Variants in IL12B observed in about 807,000 individuals in gnomAD.
IL12B encodes interleukin-12 subunit beta.
A neutral mutation model predicts 39.2 loss-of-function variants in IL12B; 27 were observed. The observed-to-expected ratio is 0.69, with a 90% CI of 0.51 to 0.95. The LOEUF (loss-of-function observed/expected upper bound fraction) is 0.95. Ranked by LOEUF, IL12B falls within the 40% of genes least tolerant of loss-of-function variation. The probability of loss-of-function intolerance (pLI) is 0.00; values close to 1 mark genes in which losing one functional copy is unlikely to be tolerated. For synonymous variants in IL12B, 142 were observed against 152.1 expected (o/e 0.93, Z 0.49); for missense variants, 351 against 397.6 (o/e 0.88, Z 1.00).
chr5:159,316,721 T>C lies in IL12B; in HGVS notation c.951A>G (p.Ser317=), dbSNP rs1331258990. 1 of 1,613,974 alleles carries C rather than the reference T, an allele frequency of 6.2e-7. No homozygotes were observed. Among genetic ancestry groups the C allele is most frequent in the Non-Finnish European group, 8.5e-7 (1 of 1,179,974 alleles). Residue 317 remains serine (S), a synonymous_variant, in exon 7 of 8, where the codon TCA becomes TCG. Transcript: ENST00000231228. ...SVRAQDRYYS[S]SWSEWASVPC... The stretch of plus-strand genomic sequence containing the variant: ...GCACAGATGCCCATTCGCTCCAAGA[T>C]GAGCTATAGTAGCGGTCCTGGGCCC...
intron 7 of IL12B, 39 bp from the exon 8 acceptor site, chr5:159,316,139 G>C (rs553637254): frequency 4.5e-5 from 7 of 155,174 alleles, no homozygotes; most frequent in Admixed American, 2.5e-4. Flanking sequence ...GGGTGACATT[G>C]TAACAGCAAT....
chr5:159,329,783 C>T (rs6873335), intron 1 of IL12B, among the ~76,000 whole-genome samples: 38,954 of 151,904 alleles, frequency 0.26, 5,447 homozygotes, highest in East Asian at 0.47. Context: ...TGTTGTTGCA[C>T]ACAATTTTAC....
At chr5:159,316,846 C>T (rs1482301557) in intron 6 of IL12B, 30 bp from the exon 7 acceptor site, 4 of 1,613,256 alleles carry the variant, frequency 2.5e-6, no homozygotes, top group Admixed American at 1.7e-5. Flanking sequence ...CTGTGAAGAC[C>T]CCTTGGCAAC....
chr5:159,318,649 T>G (rs148301697), intron 6 of IL12B, 87 bp downstream of exon 6: 7 of 1,196,250 alleles, frequency 5.9e-6, no homozygotes, highest in Non-Finnish European at 8.8e-6. Flanking sequence ...TGGATGTCAT[T>G]GTTATTATCA....
chr5:159,318,656 A>G, intron 6 of IL12B, 80 bp downstream of exon 6: 1 of 1,231,032 alleles, frequency 8.1e-7, no homozygotes, highest in Non-Finnish European at 1.2e-6. Flanking sequence ...CATTGTTATT[A>G]TCATCATTCA....
rs1195012902 is a variant in IL12B at position 159,315,213 on chromosome 5, G to A, written c.*888C>T. On this transcript the variant is annotated 3_prime_UTR_variant, in exon 8 of 8. Coordinates refer to ENST00000231228, the MANE Select transcript of IL12B (RefSeq NM_002187.3). ...TAATTTCAATCATTTTTTTTTTTGA[G>A]ACAGGGTCTCATTCTGTCACCTAGG... 6.6e-6 allele frequency: 1 copy of A among 151,226 alleles called. No individual in the cohort carries two copies. The highest frequency in any genetic ancestry group is 2.4e-5 in the African/African-American group (1 of 41,020). 9.4% of individuals were successfully genotyped at this position (151,226 alleles called of 1,614,324 possible).
intron 1 of IL12B, among the ~76,000 whole-genome samples, chr5:159,327,635 T>C (rs1754214446): frequency 1.3e-5 from 2 of 152,178 alleles, no homozygotes; most frequent in African/African-American, 2.4e-5. Flanking sequence ...CCTGAGAATA[T>C]GCATTTCTAG....
chr5:159,326,602 TTG>T, intron 2 of IL12B, 91 bp downstream of exon 2: 1 of 848,156 alleles, frequency 1.2e-6, no homozygotes, highest in South Asian at 1.3e-5. Context: ...CAGTGCATGG[TTG>T]CCCATTTCAG....
At chr5:159,318,709 A>G (rs996338657) in intron 6 of IL12B, 27 bp downstream of exon 6, 3 of 1,612,240 alleles carry the variant, frequency 1.9e-6, no homozygotes. Flanking sequence ...TGACCAAGGA[A>G]TATACTGCAC....
chr5:159,326,426 A>G (rs544942744), intron 2 of IL12B, among the ~76,000 whole-genome samples: 2 of 152,250 alleles, frequency 1.3e-5, no homozygotes, highest in Non-Finnish European at 2.9e-5. Context: ...GGAAAATATC[A>G]TATGTCATAT....
intron 4 of IL12B, among the ~76,000 whole-genome samples, chr5:159,321,797 G>C (rs1271943168): frequency 6.6e-6 from 1 of 152,204 alleles, no homozygotes; most frequent in Non-Finnish European, 1.5e-5. Context: ...GTTTGCTTCG[G>C]TGATGATTAA....
rs1754195507 is a variant in IL12B at position 159,326,690 on chromosome 5, G to A, written c.88+5C>T. ...CTCCACAGAGAATAATGAGAGGCTG[G>A]TTACCATCTTTCTTCAGTTCCCATA... is the stretch of plus-strand genomic sequence containing the variant. On this transcript the variant is annotated splice_donor_5th_base_variant and intron_variant, in intron 2 of 7. Transcript: ENST00000231228. 6.2e-7 allele frequency: 1 copy of A among 1,603,180 alleles called. No homozygotes were observed. The highest frequency in any genetic ancestry group is 1.1e-5 in the South Asian group (1 of 90,832).
intron 2 of IL12B, among the ~76,000 whole-genome samples, 186 bp from the exon 3 acceptor site, chr5:159,323,515 G>T (rs1359290642): frequency 6.6e-6 from 1 of 152,192 alleles, no homozygotes; most frequent in East Asian, 1.9e-4. Flanking sequence ...ATGGAAAAGA[G>T]AAACAAAGAG....
In IL12B at chr5:159,314,883, A is replaced by G. The variant is rs1584750949; in HGVS notation, c.*1218T>C. On this transcript the variant is annotated 3_prime_UTR_variant, in exon 8 of 8. Transcript: ENST00000231228. ...AATGTAATCACTTTACAGAGCGCAC[A>G]TACATTACTTAAAAGTAGCACCTTC... The G allele has an allele frequency of 1.3e-5, 2 of 152,366 alleles. No homozygotes were observed. The highest frequency in any genetic ancestry group is 2.1e-4 in the South Asian group (1 of 4,838). The allele number at this position is 152,366 out of a possible 1,614,324, so 9.4% of individuals were successfully genotyped here. A position where few individuals can be genotyped will look rare whatever the true frequency, so the allele number is the denominator to read the frequency against.
intron 1 of IL12B, among the ~76,000 whole-genome samples, chr5:159,329,089 C>T (rs1754236734): frequency 6.6e-6 from 1 of 152,214 alleles, no homozygotes; most frequent in Non-Finnish European, 1.5e-5. Flanking sequence ...CCCCACGTTA[C>T]ACACTCCTAC....
intron 6 of IL12B, among the ~76,000 whole-genome samples, chr5:159,317,602 C>T (rs1184393161): frequency 2.0e-5 from 3 of 152,132 alleles, no homozygotes; most frequent in Non-Finnish European, 4.4e-5. Context: ...TGGGGCGGTA[C>T]AAAAGGGCCT....
Position 159,323,439 on chromosome 5 carries a change from A to T in IL12B, c.89-110T>A, listed in dbSNP as rs41357544. 8.0e-4 allele frequency: 831 copies of T among 1,037,948 alleles called. 7 individuals are homozygous for T. In the African/African-American group the frequency reaches 0.012, roughly 15 times the overall value. 64.3% of individuals were successfully genotyped at this position (1,037,948 alleles called of 1,614,324 possible). A position where few individuals can be genotyped will look rare whatever the true frequency, so the allele number is the denominator to read the frequency against. On this transcript the variant is annotated intron_variant, in intron 2 of 7. Coordinates refer to ENST00000231228, the MANE Select transcript of IL12B (RefSeq NM_002187.3). ...TTGCCTAAACACAACCTTGTTTACAACAAGTATTTGGCAAATGCTTGCTGA... is the reference window on the plus strand; with the variant it reads ...TTGCCTAAACACAACCTTGTTTACATCAAGTATTTGGCAAATGCTTGCTGA...
Position 159,322,527 on chromosome 5 carries a change from AC to A in IL12B, c.365-17del. ...TTTTTGGGTTCTGGATTTGAAAAAA[AC>A]AAAAATTCAATATTTAGGAGTTTTT... On this transcript the variant is annotated splice_polypyrimidine_tract_variant and intron_variant, in intron 3 of 7. Transcript: ENST00000231228. 6.5e-7 allele frequency: 1 copy of A among 1,528,582 alleles called. No homozygotes were observed. The highest frequency in any genetic ancestry group is 9.1e-7 in the Non-Finnish European group (1 of 1,102,240). 94.7% of individuals were successfully genotyped at this position (1,528,582 alleles called of 1,614,324 possible). A position where few individuals can be genotyped will look rare whatever the true frequency, so the allele number is the denominator to read the frequency against.
In IL12B at chr5:159,320,318, T is replaced by A. The variant is rs1244861101; in HGVS notation, c.685A>T (p.Ile229Phe). 4 of 1,614,020 alleles carry A rather than the reference T, an allele frequency of 2.5e-6. No individual in the cohort carries two copies. The South Asian group carries it at 3.3e-5, about 13-fold the overall frequency. The change falls in exon 5 of 8, where the codon ATC becomes TTC. Residue 229 changes from isoleucine (I) to phenylalanine (F), a missense_variant. Ile to Phe is a conservative substitution (Grantham distance 21). Transcript: ENST00000231228. Reference protein sequence around the residue: ...KYENYTSSFFIRDIIKPDPPK... With the variant: ...KYENYTSSFFFRDIIKPDPPK... ...ATCCAAAACTCACTGATGTCCCTGA[T>A]GAAGAAGCTGCTGGTGTAGTTTTCA...
Sources: gnomAD v4.1 joint callset for allele counts (sites outside exome capture counted in the v4.1 genomes callset) on GRCh38, gnomAD v4.1.1 for gene constraint, MANE v1.5 for transcripts, NCBI Gene and HGNC (gene_info 2026-07-23, HGNC 2026-07-21) for gene names.